Variants in ZCCHC2 observed in about 807,000 individuals in gnomAD.
The protein encoded by ZCCHC2 is zinc finger CCHC domain-containing protein 2.
Under a neutral mutation model 103.6 loss-of-function variants are expected in ZCCHC2, and 39 were observed. The ratio of observed to expected loss-of-function variants is 0.38; its 90% CI spans 0.29 to 0.49. ZCCHC2 has a LOEUF of 0.49. Among genes scored for constraint, ZCCHC2 ranks in the 20% least tolerant of loss-of-function variants. ZCCHC2 has a pLI of 0.96. For synonymous variants in ZCCHC2, 687 were observed against 608.9 expected, an observed-to-expected ratio of 1.13 and a Z score of -1.89; for missense variants, 1,483 against 1,491.0, an observed-to-expected ratio of 0.99 and a Z score of 0.09.
chr18:62,527,162 T>A (rs1384401129), intron 1 of ZCCHC2, among the ~76,000 whole-genome samples: 1 of 152,174 alleles, frequency 6.6e-6, no homozygotes, highest in African/African-American at 2.4e-5. Flanking sequence ...AAAGTTAGCA[T>A]CTTTTTAATT....
chr18:62,547,925 G>A (rs1408934027), intron 4 of ZCCHC2, among the ~76,000 whole-genome samples: 1 of 152,060 alleles, frequency 6.6e-6, no homozygotes, highest in African/African-American at 2.4e-5. Flanking sequence ...TGTCTACTCT[G>A]TGCAGCCAGG....
At chr18:62,530,233 C>T (rs1298477851) in intron 1 of ZCCHC2, among the ~76,000 whole-genome samples, 1 of 152,080 alleles carries the variant, frequency 6.6e-6, no homozygotes, top group African/African-American at 2.4e-5. Context: ...GAATGATAGC[C>T]ATGTTTAGTA....
At chr18:62,528,007 A>G (rs1914510628) in intron 1 of ZCCHC2, among the ~76,000 whole-genome samples, 1 of 152,248 alleles carries the variant, frequency 6.6e-6, no homozygotes, top group African/African-American at 2.4e-5. Context: ...AACTAGCGAC[A>G]CAAAGGTATA....
chr18:62,550,419 A>G lies in ZCCHC2; in HGVS notation c.1272A>G (p.Lys424=), dbSNP rs1915612886. Residue 424 remains lysine, a synonymous_variant, in exon 5 of 14, where the codon AAA becomes AAG. Coordinates refer to ENST00000269499, the MANE Select transcript of ZCCHC2 (RefSeq NM_017742.6). ...GAGCCCTGAATCAGGGTTCCTTGAA[A>G]AGGGAGGAACGGCGACATCCTGACC... ...ILRALNQGSL[K]REERRHPDLE... 2.5e-6 allele frequency: 4 copies of G among 1,613,830 alleles called. No homozygotes were observed. Among genetic ancestry groups the G allele is most frequent in the Non-Finnish European group, 3.4e-6 (4 of 1,179,838 alleles).
chr18:62,548,942 A>G (rs1180198998), intron 4 of ZCCHC2, among the ~76,000 whole-genome samples: 4 of 142,236 alleles, frequency 2.8e-5, no homozygotes, highest in South Asian at 2.3e-4. Flanking sequence ...TGGGTAGGCC[A>G]GGCGTGGTGG....
chr18:62,567,477 A>T (rs1193708761), intron 11 of ZCCHC2, among the ~76,000 whole-genome samples: 2 of 152,216 alleles, frequency 1.3e-5, no homozygotes, highest in Non-Finnish European at 2.9e-5. Context: ...GTAGCTCAGA[A>T]TTTCAAAAGA....
At chr18:62,580,322 T>A (rs1382868195), downstream of ZCCHC2, among the ~76,000 whole-genome samples, 1 of 152,262 alleles carries the variant, frequency 6.6e-6, no homozygotes, top group East Asian at 1.9e-4. Flanking sequence ...GGGAACATTG[T>A]TGTCCCTGGT....
rs541837777 is a variant in ZCCHC2, at chr18:62,562,012, T to C, written c.1551-997T>C. Among the ~76,000 whole-genome samples, 335 of 152,328 alleles carry C rather than the reference T, an allele frequency of 2.2e-3. 4 individuals carry two copies. Among genetic ancestry groups the C allele is most frequent in the African/African-American group, 7.6e-3 (317 of 41,566 alleles). On this transcript the variant is annotated intron_variant, in intron 8 of 13. Coordinates refer to ENST00000269499, the MANE Select transcript of ZCCHC2 (RefSeq NM_017742.6). The stretch of plus-strand genomic sequence containing the variant: ...GTTTTTTTTGTTTTTGTTTTTGTTT[T>C]TTGAGATGGAGTCTCGCTCTGTCAC...
rs148664996 is a variant in ZCCHC2 at position 62,576,467 on chromosome 18, C to T, written c.3470-45C>T. The T allele has an allele frequency of 5.2e-6, 8 of 1,537,992 alleles. No individual in the cohort carries two copies. The African/African-American group carries it at 5.4e-5, about 10-fold the overall frequency. On this transcript the variant is annotated intron_variant, in intron 13 of 13. Transcript: ENST00000269499. ...GCTTGTACGTAGTGGTTTGTGATGA[C>T]GTTTGCTTGTAAGCGGTGACTTAGT...
At chr18:62,582,535 C>T (rs1417919805), downstream of ZCCHC2, among the ~76,000 whole-genome samples, 2 of 152,034 alleles carry the variant, frequency 1.3e-5, no homozygotes, top group Non-Finnish European at 2.9e-5. Flanking sequence ...AAAACTTAGC[C>T]GGGCATGGTG....
Position 62,574,166 on chromosome 18 carries a change from A to G in ZCCHC2, c.2085A>G (p.Ser695=), listed in dbSNP as rs1043161196. 4 of 1,613,960 alleles carry G rather than the reference A, an allele frequency of 2.5e-6. No homozygotes were observed. In the African/African-American group the frequency reaches 4.0e-5, roughly 16 times the overall value. Residue 695 remains serine (S), a synonymous_variant, in exon 13 of 14, where the codon TCA becomes TCG. Coordinates refer to ENST00000269499, the MANE Select transcript of ZCCHC2 (RefSeq NM_017742.6). ...VTVKPPVQIA[S]LGNENGNLLE... ...TCAAGCCACCTGTTCAAATTGCTTC[A>G]CTAGGAAATGAGAATGGAAACCTTT...
chr18:62,548,700 A>T lies in ZCCHC2; in HGVS notation c.1201-1648A>T, dbSNP rs189218340. On this transcript the variant is annotated intron_variant, in intron 4 of 13. Coordinates refer to ENST00000269499, the MANE Select transcript of ZCCHC2 (RefSeq NM_017742.6). The stretch of plus-strand genomic sequence containing the variant: ...CACTTTGGGAAGCCACGGCCTGTGG[A>T]TCATCTGAGGTCAGGAGTTCGAGAC... Among the ~76,000 whole-genome samples the T allele has an allele frequency of 3.9e-3, 587 of 152,206 alleles. 3 individuals are homozygous for T. The highest frequency in any genetic ancestry group is 7.1e-3 in the Non-Finnish European group (482 of 68,016).
chr18:62,550,294 C>G, intron 4 of ZCCHC2, 54 bp from the exon 5 acceptor site: 1 of 1,323,420 alleles, frequency 7.6e-7, no homozygotes, highest in Non-Finnish European at 1.1e-6. Flanking sequence ...CTTGTAACAT[C>G]TTTACCAGTA....
rs370556306 is a variant in ZCCHC2, at chr18:62,531,647, G to A, written c.939+7284G>A. ...AGCACAATTTGGTTGCAGTGGATGA[G>A]TAGAAAAACAGATGTTAGGTGAGGT... On this transcript the variant is annotated intron_variant, in intron 1 of 13. Coordinates refer to ENST00000269499, the MANE Select transcript of ZCCHC2 (RefSeq NM_017742.6). Among the ~76,000 whole-genome samples the A allele has an allele frequency of 2.2e-4, 33 of 152,198 alleles. 1 individual carries two copies. The South Asian group carries it at 6.8e-3, about 32-fold the overall frequency.
chr18:62,549,473 C>T (rs1042255066), intron 4 of ZCCHC2, among the ~76,000 whole-genome samples: 1 of 152,206 alleles, frequency 6.6e-6, no homozygotes, highest in African/African-American at 2.4e-5. Context: ...TCTCAAAGCT[C>T]AATATGTAAA....
downstream of ZCCHC2, among the ~76,000 whole-genome samples, chr18:62,583,522 G>C (rs942794943): frequency 6.6e-6 from 1 of 152,168 alleles, no homozygotes; most frequent in Non-Finnish European, 1.5e-5. Context: ...CCATCCATTT[G>C]AGCTTGGAAG....
chr18:62,584,671 A>C (rs932474686), exon 15 of ZCCHC2: 2 of 152,250 alleles, frequency 1.3e-5, no homozygotes, highest in Non-Finnish European at 2.9e-5. Context: ...CCATAAAAGC[A>C]GCTTGAGCAA....
intron 11 of ZCCHC2, among the ~76,000 whole-genome samples, chr18:62,568,647 A>G (rs769078144): frequency 2.6e-5 from 4 of 152,190 alleles, no homozygotes; most frequent in Non-Finnish European, 5.9e-5. Flanking sequence ...TCTTTGAACT[A>G]TAGTCTACTG....
rs1413304422 is a variant in ZCCHC2 at position 62,524,366 on chromosome 18, A to G, written c.939+3A>G. Reference sequence around the variant, plus strand: ...AGTTTGCCGGCCCCAGGGCCCAGGTAAGGCGCACGGAGCCTCCCTGGACTC... The same window carrying G: ...AGTTTGCCGGCCCCAGGGCCCAGGTGAGGCGCACGGAGCCTCCCTGGACTC... On this transcript the variant is annotated splice_donor_region_variant and intron_variant, in intron 1 of 13. Transcript: ENST00000269499. The G allele has an allele frequency of 6.6e-7, 1 of 1,508,588 alleles. No homozygotes were observed. Among genetic ancestry groups the G allele is most frequent in the Admixed American group, 2.2e-5 (1 of 46,172 alleles). 93.5% of individuals were successfully genotyped at this position (1,508,588 alleles called of 1,614,324 possible). A position where few individuals can be genotyped will look rare whatever the true frequency, so the allele number is the denominator to read the frequency against.
Sources: gnomAD v4.1 joint callset for allele counts (sites outside exome capture counted in the v4.1 genomes callset) on GRCh38, gnomAD v4.1.1 for gene constraint, MANE v1.5 for transcripts, NCBI Gene and HGNC (gene_info 2026-07-23, HGNC 2026-07-21) for gene names.